Variants in ANKRD31 observed in about 807,000 individuals in gnomAD.
The protein encoded by ANKRD31 is ankyrin repeat domain 31, also known as ankyrin repeat domain-containing protein 31.
In ANKRD31, 147 loss-of-function variants were observed where a neutral mutation model predicts 186.0. That is an observed-to-expected ratio of 0.79 (90% CI 0.69 to 0.91). The LOEUF is 0.91. Ranked by LOEUF, ANKRD31 falls within the 40% of genes least tolerant of loss-of-function variation. The pLI is 0.00. For synonymous variants in ANKRD31, 673 were observed against 736.4 expected (o/e 0.91, Z 1.39); for missense variants, 1,986 against 2,148.8 (o/e 0.92, Z 1.50).
Position 75,104,351 on chromosome 5 carries a change from T to C in ANKRD31, c.5208A>G (p.Gln1736=), listed in dbSNP as rs1239030418. The C allele has an allele frequency of 6.5e-7, 1 of 1,537,210 alleles. No individual in the cohort carries two copies. The highest frequency in any genetic ancestry group is 8.7e-7 in the Non-Finnish European group (1 of 1,146,892). The change falls in exon 22 of 26, where the codon CAA becomes CAG. Residue 1736 remains glutamine (Q), a synonymous_variant. Coordinates refer to ENST00000506364, the MANE Select transcript of ANKRD31 (RefSeq NM_001372053.1). The part of the protein sequence containing the change: ...QISSSSGSGQ[Q]DTIKKALNYS... ...AGTTTAAAGCCTTTTTTATTGTATC[T>C]TGTTGCCCAGATCCAGAGGAAGAGG... is the stretch of plus-strand genomic sequence containing the variant.
intron 10 of ANKRD31, among the ~76,000 whole-genome samples, chr5:75,179,309 G>A (rs1170516554): frequency 3.3e-5 from 5 of 152,102 alleles, no homozygotes; most frequent in Non-Finnish European, 5.9e-5. Flanking sequence ...AGAGGTACAA[G>A]GAGGAGCTGG....
At chr5:75,184,980 T>A (rs1453789974) in intron 10 of ANKRD31, among the ~76,000 whole-genome samples, 1 of 151,996 alleles carries the variant, frequency 6.6e-6, no homozygotes, top group Non-Finnish European at 1.5e-5. Context: ...AACAGAAGAA[T>A]GGATAAAGCA....
chr5:75,159,403 A>G (rs2150169551), intron 11 of ANKRD31, among the ~76,000 whole-genome samples: 1 of 152,276 alleles, frequency 6.6e-6, no homozygotes, highest in South Asian at 2.1e-4. Flanking sequence ...TACTCCAAAA[A>G]AGATAAACAA....
In ANKRD31 at chr5:75,168,996, T is replaced by C. The variant is rs1357505064; in HGVS notation, c.1690A>G (p.Met564Val). Residue 564 changes from methionine (M) to valine (V), a missense_variant, in exon 11 of 26, where the codon ATG becomes GTG. By Grantham distance (21) the Met-to-Val change is conservative. Transcript: ENST00000506364. ...YQITPLHDAV[M>V]NGHYKVAELL... ...CACAGTACCTTATAATGTCCATTCATCACTGCATCATGTAGGGGAGTAATC... is the reference window on the plus strand; with the variant it reads ...CACAGTACCTTATAATGTCCATTCACCACTGCATCATGTAGGGGAGTAATC... The C allele has an allele frequency of 1.3e-6, 2 of 1,536,130 alleles. No homozygotes were observed. Among genetic ancestry groups the C allele is most frequent in the Non-Finnish European group, 1.7e-6 (2 of 1,146,228 alleles).
intron 22 of ANKRD31, among the ~76,000 whole-genome samples, chr5:75,096,531 C>T (rs572199214): frequency 6.6e-6 from 1 of 152,204 alleles, no homozygotes; most frequent in South Asian, 2.1e-4. Flanking sequence ...TCCCATTTGT[C>T]AATTTTTGCT....
intron 23 of ANKRD31, among the ~76,000 whole-genome samples, chr5:75,086,213 T>C (rs1475585000): frequency 6.6e-6 from 1 of 152,206 alleles, no homozygotes; most frequent in African/African-American, 2.4e-5. Flanking sequence ...CAATATAAGG[T>C]GACTTACATA....
Position 75,147,484 on chromosome 5 carries a change from T to G in ANKRD31, c.1927A>C (p.Ser643Arg). 2 of 1,460,630 alleles carry G rather than the reference T, an allele frequency of 1.4e-6. No individual in the cohort carries two copies. The highest frequency in any genetic ancestry group is 1.8e-6 in the Non-Finnish European group (2 of 1,116,396). The allele number at this position is 1,460,630 out of a possible 1,614,324, so 90.5% of individuals were successfully genotyped here. ...TCATTATAAACATGCCAAATGTGAC[T>G]TTTAGAACTGAACTTTGGTTTCTAT... ...QHKKPKFSSKSHIWHVYNENS... is the reference protein window; with the variant it reads ...QHKKPKFSSKRHIWHVYNENS... Residue 643 changes from serine (S) to arginine (R), a missense_variant, in exon 14 of 26, where the codon AGT becomes CGT. Ser to Arg is a moderately radical substitution (Grantham distance 110). Coordinates refer to ENST00000506364, the MANE Select transcript of ANKRD31 (RefSeq NM_001372053.1).
intron 17 of ANKRD31, among the ~76,000 whole-genome samples, chr5:75,129,683 T>A (rs1266964905): frequency 1.3e-5 from 2 of 152,188 alleles, no homozygotes; most frequent in African/African-American, 2.4e-5. Context: ...GATGGCTGAA[T>A]AGGAAAAGCT....
intron 1 of ANKRD31, among the ~76,000 whole-genome samples, chr5:75,235,577 C>T (rs530631506): frequency 7.9e-5 from 12 of 152,230 alleles, no homozygotes; most frequent in Non-Finnish European, 1.3e-4. Flanking sequence ...AAAATGACCC[C>T]TGCATGCCAG....
At chr5:75,224,129 T>TTATATATATATATATA (rs148986776) in intron 2 of ANKRD31, among the ~76,000 whole-genome samples, 1 of 105,774 alleles carries the variant, frequency 9.5e-6, no homozygotes, top group Non-Finnish European at 1.9e-5. Flanking sequence ...TCAGAAATAA[T>TTATATATATATATATA]TATATATATA....
In ANKRD31 at chr5:75,152,712, CT is replaced by C. The variant is rs1234658049; in HGVS notation, c.1852+1488del. On this transcript the variant is annotated intron_variant, in intron 12 of 25. Transcript: ENST00000506364. ...ATTAATCAGTAGACAAAACAAAGAT[CT>C]TTTCCTTCATGGAGCTTAGATTCTG... 7.9e-5 allele frequency among the ~76,000 whole-genome samples: 12 copies of C among 152,016 alleles called. No homozygotes were observed. In the East Asian group the frequency reaches 1.9e-3, roughly 24 times the overall value.
intron 17 of ANKRD31, among the ~76,000 whole-genome samples, chr5:75,130,330 C>A (rs1016014782): frequency 1.8e-4 from 28 of 152,168 alleles, no homozygotes; most frequent in African/African-American, 6.3e-4. Context: ...TTGCAAAGAG[C>A]AAAAGAACAA....
chr5:75,163,893 G>GTGGCTT (rs1752744684), intron 11 of ANKRD31, among the ~76,000 whole-genome samples: 1 of 152,130 alleles, frequency 6.6e-6, no homozygotes, highest in Non-Finnish European at 1.5e-5. Flanking sequence ...AGAACCCCTG[G>GTGGCTT]TGGCTTTAAA....
intron 17 of ANKRD31, among the ~76,000 whole-genome samples, chr5:75,133,655 T>C (rs1031853270): frequency 2.6e-4 from 40 of 152,082 alleles, no homozygotes; most frequent in African/African-American, 9.4e-4. Flanking sequence ...CAGCTCTGCA[T>C]CAAGGGGACC....
At chr5:75,081,527 C>A (rs1228138025) in intron 24 of ANKRD31, among the ~76,000 whole-genome samples, 1 of 152,140 alleles carries the variant, frequency 6.6e-6, no homozygotes, top group African/African-American at 2.4e-5. Flanking sequence ...GTTGGAAATG[C>A]CTGCCTAGAA....
At position 75,148,607 on chromosome 5, in the gene ANKRD31, G is replaced by A; in HGVS notation, c.1874C>T (p.Pro625Leu). The A allele has an allele frequency of 6.6e-7, 1 of 1,526,000 alleles. No individual in the cohort carries two copies. Among genetic ancestry groups the A allele is most frequent in the Non-Finnish European group, 8.8e-7 (1 of 1,140,708 alleles). 94.5% of individuals were successfully genotyped at this position (1,526,000 alleles called of 1,614,324 possible). A position where few individuals can be genotyped will look rare whatever the true frequency, so the allele number is the denominator to read the frequency against. The change falls in exon 13 of 26, where the codon CCA (proline) becomes CTA (leucine). Residue 625 changes from proline to leucine, a missense_variant. By Grantham distance (98) the Pro-to-Leu change is moderately conservative (BLOSUM62 -3). Coordinates refer to ENST00000506364, the MANE Select transcript of ANKRD31 (RefSeq NM_001372053.1). ...LTSAQRSSID[P>L]LDIEDVYQHK... ...TTGGTACACATCCTCTATGTCTAGTGGGTCAATGCTACTCCTTTGAGCTGT... is the reference window on the plus strand; with the variant it reads ...TTGGTACACATCCTCTATGTCTAGTAGGTCAATGCTACTCCTTTGAGCTGT...
intron 10 of ANKRD31, among the ~76,000 whole-genome samples, chr5:75,178,736 T>G (rs1754026360): frequency 6.6e-6 from 1 of 150,788 alleles, no homozygotes; most frequent in Non-Finnish European, 1.5e-5. Flanking sequence ...TTCAAAGCAG[T>G]GTGTAGAGGG....
At chr5:75,206,534 T>C in intron 4 of ANKRD31, 47 bp from the exon 5 acceptor site, 1 of 1,115,264 alleles carries the variant, frequency 9.0e-7, no homozygotes, top group East Asian at 3.1e-5. Context: ...GAAGAAAAAA[T>C]AGTGTTTCTC....
chr5:75,088,249 GA>G (rs1254768200), intron 23 of ANKRD31, among the ~76,000 whole-genome samples: 1 of 152,164 alleles, frequency 6.6e-6, no homozygotes, highest in Non-Finnish European at 1.5e-5. Flanking sequence ...TGTGGGGGGT[GA>G]GGGGAACCAC....
Sources: gnomAD v4.1 joint callset for allele counts (sites outside exome capture counted in the v4.1 genomes callset) on GRCh38, gnomAD v4.1.1 for gene constraint, MANE v1.5 for transcripts, NCBI Gene and HGNC (gene_info 2026-07-23, HGNC 2026-07-21) for gene names.